Variants in NDUFAF6 observed in about 807,000 individuals in gnomAD.
The protein encoded by NDUFAF6 is NADH:ubiquinone oxidoreductase complex assembly factor 6, also known as NADH dehydrogenase (ubiquinone) complex I, assembly factor 6.
NDUFAF6 carries 45 observed loss-of-function variants against 40.8 expected under a neutral mutation model. The observed-to-expected ratio is 1.10, with a 90% CI of 0.87 to 1.42. NDUFAF6 has a LOEUF of 1.42. Among genes scored for constraint, NDUFAF6 ranks in the 40% most tolerant of loss-of-function variants. NDUFAF6 has a pLI of 0.00. For synonymous variants in NDUFAF6, 185 were observed against 155.9 expected (o/e 1.19, Z -1.39); for missense variants, 435 against 418.5 (o/e 1.04, Z -0.34).
intron 1 of NDUFAF6, among the ~76,000 whole-genome samples, chr8:94,916,685 G>A (rs372377311): frequency 1.5e-4 from 23 of 151,970 alleles, no homozygotes; most frequent in East Asian, 1.2e-3. Context: ...GTGGTGGCAC[G>A]TGCCTAAATT....
At chr8:94,989,973 G>T (rs753968681) in intron 2 of NDUFAF6, among the ~76,000 whole-genome samples, 1 of 152,132 alleles carries the variant, frequency 6.6e-6, no homozygotes, top group Non-Finnish European at 1.5e-5. Flanking sequence ...CATGCAATCC[G>T]CCTGCCTTGG....
At chr8:94,957,230 A>G (rs951058420), upstream of NDUFAF6, among the ~76,000 whole-genome samples, 8 of 152,292 alleles carry the variant, frequency 5.3e-5, no homozygotes, top group East Asian at 1.9e-4. Flanking sequence ...TGAGCTTGAA[A>G]TGCTTTTTAT....
intron 2 of NDUFAF6, among the ~76,000 whole-genome samples, chr8:95,002,266 A>T (rs1826768978): frequency 6.6e-6 from 1 of 152,196 alleles, no homozygotes; most frequent in Admixed American, 6.5e-5. Flanking sequence ...AATATATGTT[A>T]CTTTCTTTCT....
intron 3 of NDUFAF6, among the ~76,000 whole-genome samples, chr8:95,037,678 T>A (rs1357943485): frequency 6.6e-6 from 1 of 152,220 alleles, no homozygotes; most frequent in Non-Finnish European, 1.5e-5. Context: ...GTAATGCATT[T>A]TGATGAGCAC....
upstream of NDUFAF6, among the ~76,000 whole-genome samples, chr8:95,024,785 A>G (rs1827865875): frequency 6.6e-6 from 1 of 152,152 alleles, no homozygotes; most frequent in Non-Finnish European, 1.5e-5. Context: ...AGAGCCCAGG[A>G]GGGGTCGGAC....
At chr8:94,908,837 TG>T (rs1378069405) in intron 1 of NDUFAF6, among the ~76,000 whole-genome samples, 1 of 152,194 alleles carries the variant, frequency 6.6e-6, no homozygotes, top group Non-Finnish European at 1.5e-5. Context: ...GCTTGCAGAT[TG>T]GAACTTGAAC....
downstream of NDUFAF6, among the ~76,000 whole-genome samples, chr8:95,061,806 G>A (rs1832577944): frequency 6.6e-6 from 1 of 152,144 alleles, no homozygotes; most frequent in African/African-American, 2.4e-5. Context: ...TACGCTGAAA[G>A]ATACAAAGAG....
upstream of NDUFAF6, among the ~76,000 whole-genome samples, chr8:94,956,606 T>G (rs1823096043): frequency 6.6e-6 from 1 of 152,088 alleles, no homozygotes; most frequent in African/African-American, 2.4e-5. Context: ...GATTCAATAA[T>G]TTCAAAAGAA....
intron 2 of NDUFAF6, among the ~76,000 whole-genome samples, chr8:95,008,172 TCTC>T (rs1827082771): frequency 6.6e-6 from 1 of 152,100 alleles, no homozygotes; most frequent in South Asian, 2.1e-4. Flanking sequence ...CATTTATCCT[TCTC>T]CTCTCTTACC....
chr8:95,092,578 C>CT (rs528845192), intron 2 of NDUFAF6, among the ~76,000 whole-genome samples: 1,060 of 77,806 alleles, frequency 0.014, 3 homozygotes, highest in Non-Finnish European at 0.018. Flanking sequence ...CTCACGAAGC[C>CT]TTTTTTTTTT....
chr8:94,902,244 C>CTA (rs1818068834), intron 1 of NDUFAF6, among the ~76,000 whole-genome samples: 4 of 63,244 alleles, frequency 6.3e-5, no homozygotes, highest in Non-Finnish European at 1.2e-4. Context: ...CATGATGAAA[C>CTA]TCTATCAAAA....
At chr8:94,978,864 A>G (rs541536556) in intron 1 of NDUFAF6, among the ~76,000 whole-genome samples, 1 of 152,338 alleles carries the variant, frequency 6.6e-6, no homozygotes, top group African/African-American at 2.4e-5. Flanking sequence ...TGCAGTTGGC[A>G]TCTGAAGTTT....
intron 9 of NDUFAF6, among the ~76,000 whole-genome samples, chr8:95,075,336 A>C (rs1219468348): frequency 6.6e-6 from 1 of 152,232 alleles, no homozygotes; most frequent in Non-Finnish European, 1.5e-5. Flanking sequence ...TACACTTAAA[A>C]TCATCTTTAT....
chr8:95,083,962 A>G (rs982185712), intron 2 of NDUFAF6, among the ~76,000 whole-genome samples: 12 of 152,200 alleles, frequency 7.9e-5, no homozygotes, highest in Admixed American at 7.9e-4. Flanking sequence ...ACTTTTATCC[A>G]TGCATCTTAG....
intron 1 of NDUFAF6, chr8:94,927,806 T>A (rs533212435): frequency 7.2e-5 from 11 of 152,724 alleles, no homozygotes; most frequent in Admixed American, 2.0e-4. Context: ...TAACATTCTA[T>A]GTTAACAGTT....
At chr8:94,932,160 A>C (rs1270565998) in intron 1 of NDUFAF6, 8 of 1,568,294 alleles carry the variant, frequency 5.1e-6, no homozygotes, top group Non-Finnish European at 7.0e-6. Context: ...TTAAAATGCT[A>C]TTGTAACTTT....
At chr8:95,024,184 C>T (rs1233739925), upstream of NDUFAF6, among the ~76,000 whole-genome samples, 1 of 152,188 alleles carries the variant, frequency 6.6e-6, no homozygotes, top group Non-Finnish European at 1.5e-5. Flanking sequence ...CACTTCCTTT[C>T]CCTGTCCAAA....
chr8:95,097,295 C>A (rs1445816442), upstream of NDUFAF6, among the ~76,000 whole-genome samples: 1 of 152,200 alleles, frequency 6.6e-6, no homozygotes, highest in African/African-American at 2.4e-5. Flanking sequence ...TAAGACATCT[C>A]AATTTCATGT....
At chr8:95,051,991 C>T (rs1243739019) in intron 7 of NDUFAF6, among the ~76,000 whole-genome samples, 183 bp from the exon 8 acceptor site, 1 of 152,174 alleles carries the variant, frequency 6.6e-6, no homozygotes, top group Non-Finnish European at 1.5e-5. Flanking sequence ...ATTTTTACTA[C>T]AGTAGTTACT....
Sources: gnomAD v4.1 joint callset for allele counts (sites outside exome capture counted in the v4.1 genomes callset) on GRCh38, gnomAD v4.1.1 for gene constraint, MANE v1.5 for transcripts, NCBI Gene and HGNC (gene_info 2026-07-23, HGNC 2026-07-21) for gene names.